Variants in C2CD5 observed in about 807,000 individuals in gnomAD.
C2CD5 encodes the protein C2 calcium dependent domain containing 5.
A neutral mutation model predicts 130.3 loss-of-function variants in C2CD5; 109 were observed. The observed-to-expected ratio is 0.84, with a 90% confidence interval of 0.72 to 0.98. C2CD5 has a LOEUF of 0.98. C2CD5 is among the 50% of genes least tolerant of loss of function. C2CD5 has a pLI of 0.00. For missense variants in C2CD5, 996 were observed against 1,261.8 expected (o/e 0.79, Z 3.19); for synonymous variants, 454 against 429.2 (o/e 1.06, Z -0.71).
chr12:22,478,031 A>ACT, intron 15 of C2CD5: 1 of 306,818 alleles, frequency 3.3e-6, no homozygotes. Flanking sequence ...ACACACACTC[A>ACT]CACACACACA....
At chr12:22,544,240 C>G in intron 1 of C2CD5, 61 bp from the exon 2 acceptor site, 1 of 1,343,296 alleles carries the variant, frequency 7.4e-7, no homozygotes, top group Non-Finnish European at 1.0e-6. Flanking sequence ...GGGGCGGAGG[C>G]GCGCGGGGTA....
At chr12:22,521,180 G>T (rs1442619821) in intron 7 of C2CD5, among the ~76,000 whole-genome samples, 1 of 152,058 alleles carries the variant, frequency 6.6e-6, no homozygotes, top group African/African-American at 2.4e-5. Flanking sequence ...AATAGGCTTT[G>T]AAATAGAACC....
intron 10 of C2CD5, among the ~76,000 whole-genome samples, chr12:22,496,623 T>A (rs557292709): frequency 6.6e-6 from 1 of 150,486 alleles, no homozygotes; most frequent in African/African-American, 2.4e-5. Context: ...ATAAAAGTTA[T>A]TATTTTAGGA....
At chr12:22,502,797 G>A (rs1490865999) in intron 10 of C2CD5, 1 of 1,527,258 alleles carries the variant, frequency 6.5e-7, no homozygotes, top group Admixed American at 2.0e-5. Context: ...CCATAATTCC[G>A]ACAAAGGCTG....
At chr12:22,532,237 G>A (rs914089338) in intron 3 of C2CD5, among the ~76,000 whole-genome samples, 1 of 151,862 alleles carries the variant, frequency 6.6e-6, no homozygotes, top group African/African-American at 2.4e-5. Context: ...GGCTGAGGCA[G>A]GAGAATCGCT....
At chr12:22,462,370 T>C (rs1941325473) in intron 22 of C2CD5, among the ~76,000 whole-genome samples, 1 of 152,184 alleles carries the variant, frequency 6.6e-6, no homozygotes, top group Admixed American at 6.5e-5. Context: ...TATAATTTGG[T>C]TTCCCACTTA....
At chr12:22,457,238 G>C (rs1940075734) in intron 24 of C2CD5, 77 bp from the exon 25 acceptor site, 7 of 1,003,300 alleles carry the variant, frequency 7.0e-6, no homozygotes, top group Non-Finnish European at 1.0e-5. Flanking sequence ...TTCCAAATAA[G>C]TGGTGACAAC....
intron 10 of C2CD5, among the ~76,000 whole-genome samples, chr12:22,495,497 T>C (rs1468909940): frequency 6.6e-6 from 1 of 150,710 alleles, no homozygotes; most frequent in African/African-American, 2.4e-5. Context: ...GTATAACACA[T>C]AAAATAATCA....
In C2CD5 at chr12:22,523,451, T is replaced by C; in HGVS notation, c.775A>G (p.Asn259Asp). 1 of 1,613,788 alleles carries C rather than the reference T, an allele frequency of 6.2e-7. No homozygotes were observed. Among genetic ancestry groups the C allele is most frequent in the Non-Finnish European group, 8.5e-7 (1 of 1,179,784 alleles). Residue 259 changes from asparagine (N) to aspartate (D), a missense_variant, in exon 7 of 27, where the codon AAT (asparagine) becomes GAT (aspartate). Physicochemically the swap from Asn to Asp is conservative, Grantham distance 23. Coordinates refer to ENST00000446597, the MANE Select transcript of C2CD5 (RefSeq NM_001286176.2). ...TCCTTCATTTCTTTGGATGGGGAATTACATGCAGGAAGGAATGCTGCTGGG... is the reference window on the plus strand; with the variant it reads ...TCCTTCATTTCTTTGGATGGGGAATCACATGCAGGAAGGAATGCTGCTGGG... ...SSPAAFLPAC[N>D]SPSKEMKEIP... is the part of the protein sequence containing the mutation.
chr12:22,485,237 C>T (rs1379595083), intron 12 of C2CD5, among the ~76,000 whole-genome samples: 1 of 151,780 alleles, frequency 6.6e-6, no homozygotes, highest in Non-Finnish European at 1.5e-5. Flanking sequence ...TGACATTTTC[C>T]CACTGGTTGA....
At chr12:22,471,688 T>C (rs1305136745) in intron 19 of C2CD5, among the ~76,000 whole-genome samples, 200 bp from the exon 20 acceptor site, 1 of 151,926 alleles carries the variant, frequency 6.6e-6, no homozygotes, top group Non-Finnish European at 1.5e-5. Flanking sequence ...CGTCAATAAG[T>C]CACAAAAAAT....
chr12:22,487,345 A>G (rs1945679192), intron 12 of C2CD5, among the ~76,000 whole-genome samples: 1 of 151,492 alleles, frequency 6.6e-6, no homozygotes, highest in African/African-American at 2.5e-5. Context: ...CAATGAACTC[A>G]AACAAATTTA....
intron 4 of C2CD5, among the ~76,000 whole-genome samples, chr12:22,526,932 T>C (rs921318588): frequency 6.6e-6 from 1 of 152,164 alleles, no homozygotes; most frequent in Non-Finnish European, 1.5e-5. Flanking sequence ...GGCAGGCAGA[T>C]CACTTGAGCT....
chr12:22,482,228 G>A (rs1169240791), intron 14 of C2CD5, among the ~76,000 whole-genome samples: 1 of 152,114 alleles, frequency 6.6e-6, no homozygotes, highest in Non-Finnish European at 1.5e-5. Flanking sequence ...GCAACAAAGA[G>A]GTATCCTGCC....
At chr12:22,541,747 CTCTT>C (rs954120403) in intron 2 of C2CD5, among the ~76,000 whole-genome samples, 1 of 152,160 alleles carries the variant, frequency 6.6e-6, no homozygotes, top group African/African-American at 2.4e-5. Flanking sequence ...CCCTGTTGTT[CTCTT>C]TCTATTGTTC....
chr12:22,517,354 C>T (rs12306034), intron 8 of C2CD5, among the ~76,000 whole-genome samples: 24,220 of 151,554 alleles, frequency 0.16, 3,816 homozygotes, highest in African/African-American at 0.41. Flanking sequence ...AAGAACTAAT[C>T]TGATTTTTCA....
intron 10 of C2CD5, chr12:22,502,623 T>C (rs1947942223): frequency 3.5e-6 from 2 of 569,846 alleles, no homozygotes; most frequent in East Asian, 2.9e-5. Context: ...GCACAGAATA[T>C]TATCTGTATA....
At chr12:22,494,790 A>C (rs1946801982) in intron 10 of C2CD5, among the ~76,000 whole-genome samples, 1 of 152,164 alleles carries the variant, frequency 6.6e-6, no homozygotes, top group Non-Finnish European at 1.5e-5. Flanking sequence ...TGAACAATTA[A>C]GTGAACCTAT....
chr12:22,523,826 A>T (rs574984366), intron 6 of C2CD5, among the ~76,000 whole-genome samples: 1 of 151,550 alleles, frequency 6.6e-6, no homozygotes, highest in South Asian at 2.1e-4. Flanking sequence ...TAATTATAAA[A>T]TATAATATAT....
Sources: allele counts gnomAD v4.1 joint callset (sites outside exome capture counted in the v4.1 genomes callset), GRCh38; gene constraint gnomAD v4.1.1; transcripts MANE v1.5; gene names NCBI Gene and HGNC (gene_info 2026-07-23, HGNC 2026-07-21).